Variants in DST observed in about 807,000 individuals in gnomAD.
DST encodes the protein dystonin.
In DST, 253 loss-of-function variants were observed where a neutral mutation model predicts 875.2. The ratio of observed to expected loss-of-function variants is 0.29; its 90% CI spans 0.26 to 0.32. The LOEUF is 0.32. Ranked by LOEUF, DST falls within the 10% of genes least tolerant of loss-of-function variation. DST has a pLI of 1.00. For missense variants in DST, 8,287 were observed against 9,111.6 expected (o/e 0.91, Z 3.68); for synonymous variants, 3,124 against 3,197.1 (o/e 0.98, Z 0.77).
At position 56,466,185 on chromosome 6, in the gene DST, G is replaced by C; in HGVS notation, c.22580C>G (p.Ser7527Cys). ...GATCCGGACCAGTCGCAGTTGCTGG[G>C]AGTCTCCAAACTGTTCAGTGAAGAA... The part of the protein sequence containing the change: ...RFFLGNQFGD[S>C]QQLRLVRILR... Residue 7527 changes from serine to cysteine, a missense_variant, in exon 99 of 104, where the codon TCC (serine) becomes TGC (cysteine). Around this residue, in one of 10 missense-constraint regions of DST, gnomAD observed 87 missense variants for 209.7 expected, o/e 0.41. Transcript: ENST00000680361. The C allele has an allele frequency of 6.2e-7, 1 of 1,606,640 alleles. No individual in the cohort carries two copies. Among genetic ancestry groups the C allele is most frequent in the South Asian group, 1.1e-5 (1 of 89,148 alleles).
rs79075617 is a variant in DST, at chr6:56,828,474, G to A, written c.625+22923C>T. On this transcript the variant is annotated intron_variant, in intron 4 of 103. Transcript: ENST00000680361. ...CTTATTGCATGTAAAGAATAACACT[G>A]ATATCACTACTTCTGTCTTTGCTAT... Among the ~76,000 whole-genome samples, 1,174 of 152,264 alleles carry A rather than the reference G, an allele frequency of 7.7e-3. 4 individuals carry two copies. The highest frequency in any genetic ancestry group is 0.013 in the Non-Finnish European group (898 of 68,016).
In DST at chr6:56,569,988, T is replaced by C. The variant is rs1322480008; in HGVS notation, c.13746A>G (p.Gln4582=). Residue 4582 remains glutamine, a synonymous_variant, in exon 54 of 104, where the codon CAA becomes CAG. Coordinates refer to ENST00000680361, the MANE Select transcript of DST (RefSeq NM_001374736.1). ...KEKKEAVTSC[Q]EQLDAFQVLV... ...GAACTTGGAAAGCATCCAACTGTTCTTGACAAGAAGTTACAGCTTCTTTTC... is the reference window on the plus strand; with the variant it reads ...GAACTTGGAAAGCATCCAACTGTTCCTGACAAGAAGTTACAGCTTCTTTTC... The C allele has an allele frequency of 1.9e-6, 3 of 1,595,472 alleles. No homozygotes were observed. In the Admixed American group the frequency reaches 5.5e-5, roughly 29 times the overall value.
chr6:56,891,173 A>G (rs962527739), intron 3 of DST, among the ~76,000 whole-genome samples: 47 of 152,206 alleles, frequency 3.1e-4, no homozygotes, highest in Non-Finnish European at 2.9e-5. Flanking sequence ...CTGCACAGGA[A>G]TTGTGTGAGA....
chr6:56,561,258 G>A (rs2097532737), intron 57 of DST, 50 bp downstream of exon 57: 3 of 1,543,128 alleles, frequency 1.9e-6, no homozygotes, highest in South Asian at 2.4e-5. Flanking sequence ...CGTTCCAACT[G>A]CTAATCCATT....
intron 4 of DST, among the ~76,000 whole-genome samples, chr6:56,811,777 G>T (rs1242148668): frequency 2.0e-5 from 3 of 152,086 alleles, no homozygotes; most frequent in African/African-American, 7.2e-5. Context: ...TAGATAAAGT[G>T]ATTAGAAATA....
chr6:56,553,236 G>C lies in DST; in HGVS notation c.15556C>G (p.Gln5186Glu), dbSNP rs1312693666. 2 of 1,613,676 alleles carry C rather than the reference G, an allele frequency of 1.2e-6. No individual in the cohort carries two copies. The highest frequency in any genetic ancestry group is 1.7e-5 in the Admixed American group (1 of 59,982). The change falls in exon 61 of 104, where the codon CAA becomes GAA. Residue 5186 changes from glutamine (Q) to glutamate (E), a missense_variant. By Grantham distance (29) the Gln-to-Glu change is conservative. Coordinates refer to ENST00000680361, the MANE Select transcript of DST (RefSeq NM_001374736.1). ...AATTTTATTTCCTCCAGGTTGTTTT[G>C]GCATTTGTCTATCCATGGCCAGAGA... ...ETLWPWIDKC[Q>E]NNLEEIKFCL... is the part of the protein sequence containing the mutation.
chr6:56,473,287 A>C (rs2094989645), intron 93 of DST, among the ~76,000 whole-genome samples: 1 of 152,256 alleles, frequency 6.6e-6, no homozygotes, highest in African/African-American at 2.4e-5. Context: ...TTAAAAAATT[A>C]AGTAATACGC....
intron 63 of DST, among the ~76,000 whole-genome samples, chr6:56,533,221 T>G (rs4288197): frequency 0.038 from 5,841 of 152,320 alleles, 160 homozygotes; most frequent in East Asian, 0.14. Flanking sequence ...ATTAAACATT[T>G]CAAAGCACCT....
intron 5 of DST, among the ~76,000 whole-genome samples, chr6:56,706,422 G>C (rs1462280683): frequency 6.6e-6 from 1 of 152,138 alleles, no homozygotes; most frequent in South Asian, 2.1e-4. Flanking sequence ...ACCATGAAAT[G>C]ACAACTCTCT....
At chr6:56,640,099 A>G in intron 18 of DST, 42 bp from the exon 19 acceptor site, 1 of 1,613,686 alleles carries the variant, frequency 6.2e-7, no homozygotes, top group Non-Finnish European at 8.5e-7. Flanking sequence ...GAAATTGATA[A>G]CAATAAAGAC....
chr6:56,781,986 G>C (rs934928535), intron 4 of DST, among the ~76,000 whole-genome samples: 1 of 152,002 alleles, frequency 6.6e-6, no homozygotes, highest in Non-Finnish European at 1.5e-5. Context: ...ATAATCATGT[G>C]GTTTTTGTCT....
In DST at chr6:56,594,185, G is replaced by A. The variant is rs759487146; in HGVS notation, c.12204C>T (p.His4068=). 31 of 1,521,006 alleles carry A rather than the reference G, an allele frequency of 2.0e-5. No individual in the cohort carries two copies. The highest frequency in any genetic ancestry group is 6.8e-5 in the East Asian group (3 of 44,112). 94.2% of individuals were successfully genotyped at this position (1,521,006 alleles called of 1,614,324 possible). A position where few individuals can be genotyped will look rare whatever the true frequency, so the allele number is the denominator to read the frequency against. The change falls in exon 48 of 104, where the codon CAC becomes CAT. Residue 4068 remains histidine, a synonymous_variant. Transcript: ENST00000680361. Reference sequence around the variant, plus strand: ...CTTGGTGCTGAGAGATGATCTTCTCGTGTTGGGCCTATGTGAAAACAAATT... The same window carrying A: ...CTTGGTGCTGAGAGATGATCTTCTCATGTTGGGCCTATGTGAAAACAAATT... ...NQQYQKVKAQ[H]EKIISQHQAV... is the part of the protein sequence containing the mutation.
Position 56,606,884 on chromosome 6 carries a change from C to T in DST, c.7744G>A (p.Asp2582Asn), listed in dbSNP as rs2098503088. Residue 2582 changes from aspartate to asparagine, a missense_variant, in exon 40 of 104, where the codon GAT becomes AAT. Asp to Asn is a conservative substitution (Grantham distance 23). Coordinates refer to ENST00000680361, the MANE Select transcript of DST (RefSeq NM_001374736.1). Reference sequence around the variant, plus strand: ...TAGTCACTAGCACTGATGGTTTCATCAAGCAATGGTGTAGCACAAGTAAGA... The same window carrying T: ...TAGTCACTAGCACTGATGGTTTCATTAAGCAATGGTGTAGCACAAGTAAGA... The part of the protein sequence containing the change: ...VSLTCATPLL[D>N]ETISASDYET... The T allele has an allele frequency of 6.2e-7, 1 of 1,613,244 alleles. No homozygotes were observed. The highest frequency in any genetic ancestry group is 1.3e-5 in the African/African-American group (1 of 74,864).
intron 5 of DST, among the ~76,000 whole-genome samples, chr6:56,715,218 T>C (rs1293702973): frequency 1.3e-5 from 2 of 152,176 alleles, no homozygotes; most frequent in Non-Finnish European, 2.9e-5. Context: ...AATGACTTCC[T>C]AGCAGGGGAT....
intron 90 of DST, among the ~76,000 whole-genome samples, chr6:56,479,702 T>C (rs2152416935): frequency 6.6e-6 from 1 of 152,234 alleles, no homozygotes; most frequent in Non-Finnish European, 1.5e-5. Flanking sequence ...CACGTTCTCA[T>C]GTATAAATGG....
intron 3 of DST, among the ~76,000 whole-genome samples, chr6:56,883,664 T>A (rs1783265098): frequency 1.3e-5 from 2 of 152,214 alleles, no homozygotes; most frequent in Admixed American, 1.3e-4. Flanking sequence ...TTTATGCTTA[T>A]ACAACAAAGT....
chr6:56,554,073 CTTTTTTTTTTTTTT>C (rs555704557), intron 60 of DST, among the ~76,000 whole-genome samples: 5 of 80,836 alleles, frequency 6.2e-5, no homozygotes, highest in African/African-American at 2.0e-4. Flanking sequence ...GCGTCTATGA[CTTTTTTTTTTTTTT>C]TTTTTTTTTT....
chr6:56,688,529 A>C (rs1160421964), intron 9 of DST, among the ~76,000 whole-genome samples: 2 of 152,202 alleles, frequency 1.3e-5, no homozygotes, highest in Non-Finnish European at 2.9e-5. Context: ...TATATTGTGT[A>C]CAACAGCCAC....
intron 5 of DST, among the ~76,000 whole-genome samples, chr6:56,712,112 G>A (rs921696986): frequency 6.7e-6 from 1 of 149,762 alleles, no homozygotes; most frequent in African/African-American, 2.5e-5. Context: ...AAAAATAGGA[G>A]GAGGTATTTT....
Sources: allele counts gnomAD v4.1 joint callset (sites outside exome capture counted in the v4.1 genomes callset), GRCh38; gene constraint gnomAD v4.1.1; regional missense constraint gnomAD v4.1.1; transcripts MANE v1.5; gene names NCBI Gene and HGNC (gene_info 2026-07-23, HGNC 2026-07-21).